The following FSAF1 variants were observed in gnomAD, a reference collection of about 807,000 sequenced individuals.
The protein encoded by FSAF1 is uncharacterized protein C1orf131.
the FSAF1 span, among the ~76,000 whole-genome samples, chr1:231,236,450 G>A: frequency 3.9e-5 from 6 of 152,144 alleles, no homozygotes; most frequent in African/African-American, 1.2e-4. Flanking sequence ...AGTTCAAAAC[G>A]TAGAGTGAGC....
the FSAF1 span, among the ~76,000 whole-genome samples, chr1:231,230,792 G>C: frequency 6.6e-6 from 1 of 152,218 alleles, no homozygotes; most frequent in African/African-American, 2.4e-5. Flanking sequence ...CTCTTCAGAT[G>C]ATGAGGAACT....
At chr1:231,228,171 TTTC>T in the FSAF1 span, among the ~76,000 whole-genome samples, 835 of 152,354 alleles carry the variant, frequency 5.5e-3, 3 homozygotes, top group Non-Finnish European at 8.1e-3. Context: ...TGAATTACTT[TTTC>T]TTGTCTTTTT....
chr1:231,238,946 G>A, the FSAF1 span: 1 of 1,614,106 alleles, frequency 6.2e-7, no homozygotes, highest in South Asian at 1.1e-5. Context: ...TTGTTCTTTA[G>A]GGAAGAGGGA....
chr1:231,224,374 CA>C, the FSAF1 span: 8 of 1,612,568 alleles, frequency 5.0e-6, no homozygotes, highest in Non-Finnish European at 6.8e-6. Flanking sequence ...CCAATCCGTC[CA>C]TTTGACAAAA....
At chr1:231,224,078 T>G in the FSAF1 span, 1 of 495,492 alleles carries the variant, frequency 2.0e-6, no homozygotes, top group African/African-American at 2.0e-5. Context: ...ACATTCATGC[T>G]GCACTGGGCC....
the FSAF1 span, among the ~76,000 whole-genome samples, chr1:231,232,785 C>G: frequency 6.6e-6 from 1 of 152,138 alleles, no homozygotes; most frequent in South Asian, 2.1e-4. Context: ...TCAGCAAACC[C>G]GTCTATGGGG....
the FSAF1 span, among the ~76,000 whole-genome samples, chr1:231,228,292 T>C: frequency 1.3e-5 from 2 of 152,124 alleles, no homozygotes; most frequent in African/African-American, 2.4e-5. Context: ...TAAATGAGTA[T>C]AAAATATTCA....
chr1:231,228,665 T>G, the FSAF1 span, among the ~76,000 whole-genome samples: 1 of 151,948 alleles, frequency 6.6e-6, no homozygotes, highest in African/African-American at 2.4e-5. Context: ...TTTAGACATG[T>G]AAAATATTCA....
the FSAF1 span, among the ~76,000 whole-genome samples, chr1:231,232,329 T>C: frequency 6.6e-6 from 1 of 152,138 alleles, no homozygotes; most frequent in Admixed American, 6.5e-5. Context: ...TAGGAATGCC[T>C]AGGTGGCTTT....
chr1:231,239,160 C>T, the FSAF1 span: 3 of 1,585,906 alleles, frequency 1.9e-6, no homozygotes, highest in Non-Finnish European at 2.6e-6. Context: ...TTATGATCTT[C>T]TTCTGTTCTG....
the FSAF1 span, chr1:231,224,696 G>A: frequency 2.7e-6 from 1 of 367,658 alleles, no homozygotes; most frequent in South Asian, 7.8e-5. Flanking sequence ...CACCTCCTCA[G>A]ACTAATTTCC....
the FSAF1 span, chr1:231,239,158 T>A: frequency 1.3e-6 from 2 of 1,585,394 alleles, no homozygotes; most frequent in Non-Finnish European, 1.7e-6. Context: ...CTTTATGATC[T>A]TCTTCTGTTC....
the FSAF1 span, among the ~76,000 whole-genome samples, chr1:231,239,374 G>C: frequency 6.6e-6 from 1 of 152,174 alleles, no homozygotes; most frequent in African/African-American, 2.4e-5. Context: ...CCAAAATGTA[G>C]TCATCTTTTC....
At chr1:231,225,758 G>C in the FSAF1 span, 394 of 530,690 alleles carry the variant, frequency 7.4e-4, 2 homozygotes, top group African/African-American at 6.2e-3. Flanking sequence ...GGAAGCCAAG[G>C]GGGGAGGATC....
chr1:231,231,857 G>A, the FSAF1 span, among the ~76,000 whole-genome samples: 1 of 152,182 alleles, frequency 6.6e-6, no homozygotes, highest in Non-Finnish European at 1.5e-5. Flanking sequence ...CCAGGGCTGA[G>A]GGGCCGACTA....
the FSAF1 span, among the ~76,000 whole-genome samples, chr1:231,236,034 T>C: frequency 6.6e-6 from 1 of 152,234 alleles, no homozygotes; most frequent in African/African-American, 2.4e-5. Context: ...TGATTGGTCA[T>C]GGAGATTACC....
the FSAF1 span, chr1:231,237,350 T>C: frequency 1.3e-5 from 2 of 152,352 alleles, no homozygotes; most frequent in African/African-American, 2.4e-5. Flanking sequence ...GTGGGTAGAA[T>C]TGTGGCCTCT....
the FSAF1 span, chr1:231,223,955 G>A: frequency 9.4e-6 from 2 of 212,482 alleles, no homozygotes; most frequent in Non-Finnish European, 1.8e-5. Context: ...TTACAAAACA[G>A]TAAAGTTATA....
the FSAF1 span, among the ~76,000 whole-genome samples, chr1:231,240,847 C>A: frequency 1.3e-5 from 2 of 152,244 alleles, no homozygotes; most frequent in East Asian, 1.9e-4. This position sits in a 1 kb window ranked among gnomAD's most constrained non-coding sequence, Gnocchi z 4.1. Flanking sequence ...AGAGCCCGGT[C>A]GAGGGGTGAC....
Sources: gnomAD v4.1 joint callset for allele counts (sites outside exome capture counted in the v4.1 genomes callset) on GRCh38, gnomAD v4.1.1 for gene constraint, Gnocchi (gnomAD v3.1) non-coding constraint, MANE v1.5 for transcripts, NCBI Gene and HGNC (gene_info 2026-07-23, HGNC 2026-07-21) for gene names.